Variants in EFCAB6 observed in about 807,000 individuals in gnomAD.
The protein encoded by EFCAB6 is EF-hand calcium-binding domain-containing protein 6.
EFCAB6 carries 156 observed loss-of-function variants against 169.8 expected under a neutral mutation model. That is an observed-to-expected ratio of 0.92 (90% confidence interval 0.81 to 1.05). The LOEUF is 1.05. EFCAB6 is among the 50% of genes least tolerant of loss of function. The pLI is 0.00. For synonymous variants in EFCAB6, 698 were observed against 676.4 expected, an observed-to-expected ratio of 1.03 and a Z score of -0.50; for missense variants, 1,800 against 1,829.1, an observed-to-expected ratio of 0.98 and a Z score of 0.29.
intron 9 of EFCAB6, 82 bp downstream of exon 9, chr22:43,716,766 T>C (rs771327284): frequency 5.5e-6 from 8 of 1,459,090 alleles, no homozygotes; most frequent in African/African-American, 1.4e-5. Flanking sequence ...TTAGAAATAA[T>C]GTGTAAACCT....
chr22:43,551,810 C>G (rs186635717), intron 27 of EFCAB6: 109 of 151,368 alleles, frequency 7.2e-4, no homozygotes, highest in African/African-American at 2.5e-3. Flanking sequence ...CTTCTAACTC[C>G]ATCCATGTCC....
intron 5 of EFCAB6, among the ~76,000 whole-genome samples, chr22:43,756,684 G>T (rs976986353): frequency 6.6e-6 from 1 of 152,192 alleles, no homozygotes; most frequent in East Asian, 1.9e-4. Context: ...CAAGTAATGT[G>T]AGCTGAAATA....
At chr22:43,765,645 A>G (rs1465002986) in intron 4 of EFCAB6, among the ~76,000 whole-genome samples, 1 of 152,290 alleles carries the variant, frequency 6.6e-6, no homozygotes, top group Admixed American at 6.5e-5. Context: ...AGTTATCTAC[A>G]AAATTATTTA....
chr22:43,617,899 T>C (rs1337419643), intron 20 of EFCAB6, among the ~76,000 whole-genome samples: 1 of 151,760 alleles, frequency 6.6e-6, no homozygotes, highest in Non-Finnish European at 1.5e-5. Context: ...GTCAGGAGTT[T>C]GAGACCAGCC....
intron 6 of EFCAB6, among the ~76,000 whole-genome samples, chr22:43,742,127 T>C (rs2060396463): frequency 6.6e-6 from 1 of 152,194 alleles, no homozygotes; most frequent in Non-Finnish European, 1.5e-5. Flanking sequence ...CTCCCTTCAT[T>C]CCAGGTGTGG....
rs755663906 is a variant in EFCAB6, at chr22:43,731,686, T to C, written c.757+13A>G. ...TATTGAAATCTTTAGCTATATACTT[T>C]AAAAATACTTACCTTGATTTCCCAT... On this transcript the variant is annotated intron_variant, in intron 8 of 31. Transcript: ENST00000262726. 3 of 1,528,056 alleles carry C rather than the reference T, an allele frequency of 2.0e-6. No individual in the cohort carries two copies. The South Asian group carries it at 3.7e-5, about 19-fold the overall frequency. 94.7% of individuals were successfully genotyped at this position (1,528,056 alleles called of 1,614,324 possible). A position where few individuals can be genotyped will look rare whatever the true frequency, so the allele number is the denominator to read the frequency against.
chr22:43,670,576 G>C (rs1219862835), intron 15 of EFCAB6, among the ~76,000 whole-genome samples: 1 of 152,262 alleles, frequency 6.6e-6, no homozygotes, highest in African/African-American at 2.4e-5. Context: ...TCTGCATATA[G>C]CTGGGGGCTG....
intron 13 of EFCAB6, among the ~76,000 whole-genome samples, chr22:43,675,619 A>T (rs920564744): frequency 2.4e-4 from 35 of 146,360 alleles, no homozygotes; most frequent in African/African-American, 8.4e-4. Context: ...ATAATATATT[A>T]TACATAATAA....
intron 20 of EFCAB6, among the ~76,000 whole-genome samples, chr22:43,622,237 G>A (rs1238136142): frequency 6.6e-6 from 1 of 152,178 alleles, no homozygotes; most frequent in Non-Finnish European, 1.5e-5. Flanking sequence ...ATTCTTAGAT[G>A]TCTTACAAAA....
At chr22:43,736,978 A>C in intron 6 of EFCAB6, among the ~76,000 whole-genome samples, 1 of 147,296 alleles carries the variant, frequency 6.8e-6, no homozygotes, top group African/African-American at 2.5e-5. Flanking sequence ...CTCCCTCCAC[A>C]CTCCTCCATG....
rs1468541773 is a variant in EFCAB6, at chr22:43,769,443, A to C, written c.351+3449T>G. ...TGCGAAACTCTATGAATATATGAAA[A>C]ACACCAATTTATACATGTTTAAAGG... On this transcript the variant is annotated intron_variant, in intron 4 of 31. Coordinates refer to ENST00000262726, the MANE Select transcript of EFCAB6 (RefSeq NM_022785.4). 3.9e-5 allele frequency among the ~76,000 whole-genome samples: 6 copies of C among 152,334 alleles called. No homozygotes were observed. The East Asian group carries it at 9.6e-4, about 24-fold the overall frequency.
At chr22:43,804,487 C>T (rs1029772474) in intron 2 of EFCAB6, among the ~76,000 whole-genome samples, 4 of 152,086 alleles carry the variant, frequency 2.6e-5, no homozygotes, top group Admixed American at 1.3e-4. Context: ...TGACTGGACA[C>T]GGTGGCTCAC....
At chr22:43,801,834 C>A (rs2062730514) in intron 2 of EFCAB6, among the ~76,000 whole-genome samples, 1 of 152,002 alleles carries the variant, frequency 6.6e-6, no homozygotes, top group Non-Finnish European at 1.5e-5. Flanking sequence ...CAGAAAAAAG[C>A]AACAAAATGG....
Position 43,773,019 on chromosome 22 carries a change from A to G in EFCAB6, c.224T>C (p.Leu75Ser). The change falls in exon 4 of 32, where the codon TTG (leucine) becomes TCG (serine). Residue 75 changes from leucine to serine, a missense_variant. Physicochemically the swap from Leu to Ser is moderately radical, Grantham distance 145. Coordinates refer to ENST00000262726, the MANE Select transcript of EFCAB6 (RefSeq NM_022785.4). The part of the protein sequence containing the change: ...FQKITDRGDE[L>S]QKAFQLLDTG... ...ATCCAGCAGCTGAAAGGCTTTTTGC[A>G]ACTCATCCCCTCTGTCGGTAATTTT... The G allele has an allele frequency of 6.2e-7, 1 of 1,614,240 alleles. No homozygotes were observed. The highest frequency in any genetic ancestry group is 8.5e-7 in the Non-Finnish European group (1 of 1,180,044).
intron 15 of EFCAB6, among the ~76,000 whole-genome samples, chr22:43,670,647 C>T (rs184574517): frequency 1.2e-4 from 19 of 152,340 alleles, no homozygotes. Flanking sequence ...TAATCGCTCC[C>T]ATAAATATTC....
chr22:43,531,239 C>T (rs543930337), intron 30 of EFCAB6, among the ~76,000 whole-genome samples: 3 of 152,318 alleles, frequency 2.0e-5, no homozygotes, highest in African/African-American at 7.2e-5. Context: ...AGGCAGGTCT[C>T]TATCCCCACT....
chr22:43,607,143 C>T (rs906970397), intron 22 of EFCAB6, among the ~76,000 whole-genome samples: 1 of 152,220 alleles, frequency 6.6e-6, no homozygotes. Flanking sequence ...GGTAAGGGAG[C>T]AGCCCTACCC....
At chr22:43,722,488 G>A (rs530914466) in intron 8 of EFCAB6, among the ~76,000 whole-genome samples, 10 of 150,748 alleles carry the variant, frequency 6.6e-5, no homozygotes, top group East Asian at 3.9e-4. Context: ...CCGGGATCGC[G>A]CTGCTGCACT....
At chr22:43,685,301 C>A (rs1430380540) in intron 11 of EFCAB6, among the ~76,000 whole-genome samples, 1 of 151,564 alleles carries the variant, frequency 6.6e-6, no homozygotes, top group Non-Finnish European at 1.5e-5. Flanking sequence ...CCTGCGAGGG[C>A]GTTTCTGGAG....
Sources: gnomAD v4.1 joint callset for allele counts (sites outside exome capture counted in the v4.1 genomes callset) on GRCh38, gnomAD v4.1.1 for gene constraint, MANE v1.5 for transcripts, NCBI Gene and HGNC (gene_info 2026-07-23, HGNC 2026-07-21) for gene names.